The following AGAP1 variants were observed in gnomAD, a reference collection of about 807,000 sequenced individuals.
AGAP1 encodes arf-GAP with GTPase, ANK repeat and PH domain-containing protein 1.
In AGAP1, 29 loss-of-function variants were observed where a neutral mutation model predicts 105.3. The ratio of observed to expected loss-of-function variants is 0.28; its 90% CI spans 0.21 to 0.38. The LOEUF (loss-of-function observed/expected upper bound fraction) is 0.38. Ranked by LOEUF, AGAP1 falls within the 10% of genes least tolerant of loss-of-function variation. The pLI, the probability that AGAP1 is intolerant of heterozygous loss-of-function variation, is 1.00. For synonymous variants in AGAP1, 509 were observed against 485.9 expected, an observed-to-expected ratio of 1.05 and a Z score of -0.63; for missense variants, 998 against 1,165.1, an observed-to-expected ratio of 0.86 and a Z score of 2.09.
At position 235,736,589 on chromosome 2, in the gene AGAP1, C is replaced by G. The variant is rs1952268043; in HGVS notation, c.311-4374C>G. On this transcript the variant is annotated intron_variant, in intron 3 of 17. Transcript: ENST00000304032. This position sits in a 1 kb window ranked among gnomAD's most constrained non-coding sequence, Gnocchi z 5.5. ...AAATTTGATGGTATCCTCTAAAATTCTGGTGGAAAAAAGATCTCCCTTTGG... is the reference window on the plus strand; with the variant it reads ...AAATTTGATGGTATCCTCTAAAATTGTGGTGGAAAAAAGATCTCCCTTTGG... Among the ~76,000 whole-genome samples, 2 of 152,096 alleles carry G rather than the reference C, an allele frequency of 1.3e-5. No individual in the cohort carries two copies. Among genetic ancestry groups the G allele is most frequent in the African/African-American group, 2.4e-5 (1 of 41,418 alleles).
At chr2:235,688,728 G>T (rs779718395) in intron 1 of AGAP1, among the ~76,000 whole-genome samples, 1 of 152,212 alleles carries the variant, frequency 6.6e-6, no homozygotes, top group Non-Finnish European at 1.5e-5. Flanking sequence ...AAGTCATTGT[G>T]TATTCATTTT....
At chr2:235,643,501 A>G (rs1236949306) in intron 1 of AGAP1, among the ~76,000 whole-genome samples, 1 of 150,668 alleles carries the variant, frequency 6.6e-6, no homozygotes, top group Admixed American at 6.6e-5. Context: ...TCCACACATT[A>G]TCTTTTAATG....
chr2:235,709,539 A>T (rs1018002872), intron 2 of AGAP1, among the ~76,000 whole-genome samples: 20 of 125,218 alleles, frequency 1.6e-4, no homozygotes, highest in African/African-American at 5.4e-4. Context: ...GTGTCCACAC[A>T]CACACACCCC....
intron 15 of AGAP1, among the ~76,000 whole-genome samples, chr2:236,048,012 C>A (rs899492943): frequency 6.6e-6 from 1 of 152,184 alleles, no homozygotes; most frequent in African/African-American, 2.4e-5. Context: ...AAGGCTATTG[C>A]TGGTTACTTG....
chr2:235,930,973 G>A lies in AGAP1; in HGVS notation c.1483+50G>A, dbSNP rs776897681. 12 of 1,590,470 alleles carry A rather than the reference G, an allele frequency of 7.5e-6. No homozygotes were observed. Among genetic ancestry groups the A allele is most frequent in the Admixed American group, 5.2e-5 (3 of 57,936 alleles). ...ACCCGCAGCCACCTCAAGGTCCTTC[G>A]TTGTAAGCCAGGGGCTGGACAGGAC... On this transcript the variant is annotated intron_variant, in intron 12 of 17. Transcript: ENST00000304032. The surrounding 1 kb of genome is among the most constrained non-coding windows in gnomAD (Gnocchi z 7.9).
At chr2:236,106,290 CCT>C (rs2059488633) in intron 16 of AGAP1, among the ~76,000 whole-genome samples, 1 of 152,252 alleles carries the variant, frequency 6.6e-6, no homozygotes, top group Non-Finnish European at 1.5e-5. Flanking sequence ...AGTGACCAAG[CCT>C]CTCTTGGCCT....
chr2:236,077,450 C>T (rs545284094), intron 16 of AGAP1, among the ~76,000 whole-genome samples: 6 of 151,824 alleles, frequency 4.0e-5, no homozygotes, highest in Admixed American at 1.3e-4. Context: ...TCCCGAGTAG[C>T]TGGGATTACA....
rs1227730272 is a variant in AGAP1, at chr2:235,983,538, C to CT, written c.1645+14923dup. 2.6e-5 allele frequency among the ~76,000 whole-genome samples: 4 copies of CT among 151,928 alleles called. No individual in the cohort carries two copies. The highest frequency in any genetic ancestry group is 7.3e-5 in the African/African-American group (3 of 41,338). On this transcript the variant is annotated intron_variant, in intron 13 of 17. Transcript: ENST00000304032. This position sits in a 1 kb window ranked among gnomAD's most constrained non-coding sequence, Gnocchi z 4.5. Reference sequence around the variant, plus strand: ...TTTCTTATTCTCTTTTTTCTTTGAACTTTTTTTTATTGTGGCAAAATACAG... The same window carrying CT: ...TTTCTTATTCTCTTTTTTCTTTGAACTTTTTTTTTATTGTGGCAAAATACAG...
chr2:235,655,931 G>T lies in AGAP1; in HGVS notation c.164-53248G>T, dbSNP rs556744823. Among the ~76,000 whole-genome samples the T allele has an allele frequency of 7.9e-5, 12 of 152,182 alleles. No homozygotes were observed. The highest frequency in any genetic ancestry group is 1.6e-4 in the Non-Finnish European group (11 of 68,026). On this transcript the variant is annotated intron_variant, in intron 1 of 17. Coordinates refer to ENST00000304032, the MANE Select transcript of AGAP1 (RefSeq NM_001037131.3). The surrounding 1 kb of genome is among the most constrained non-coding windows in gnomAD (Gnocchi z 4.3). ...AAGGGAGGGGGCAGTGCAGGATGTG[G>T]CAAGGCAGTTGTTGGAGCTCCGATA...
At chr2:236,024,932 C>CA (rs1177780442) in intron 13 of AGAP1, among the ~76,000 whole-genome samples, 5 of 152,180 alleles carry the variant, frequency 3.3e-5, no homozygotes, top group African/African-American at 1.2e-4. Flanking sequence ...CCTGTGAGCC[C>CA]AATCACAAAA....
In AGAP1 at chr2:235,992,559, C is replaced by G. The variant is rs2055615207; in HGVS notation, c.1645+23936C>G. Among the ~76,000 whole-genome samples, 1 of 152,194 alleles carries G rather than the reference C, an allele frequency of 6.6e-6. No homozygotes were observed. Reference sequence around the variant, plus strand: ...GTATTTTCAGATTTTATTGACTCACCTAAGAAAGGCTCGGGGACACTGTTG... The same window carrying G: ...GTATTTTCAGATTTTATTGACTCACGTAAGAAAGGCTCGGGGACACTGTTG... On this transcript the variant is annotated intron_variant, in intron 13 of 17. Transcript: ENST00000304032. This position sits in a 1 kb window ranked among gnomAD's most constrained non-coding sequence, Gnocchi z 4.8.
intron 1 of AGAP1, among the ~76,000 whole-genome samples, chr2:235,526,104 G>A (rs1464434785): frequency 1.3e-5 from 1 of 75,346 alleles, no homozygotes; most frequent in Admixed American, 1.3e-4. Context: ...GATTTATAAA[G>A]TAGAGGACTG....
chr2:235,602,452 G>A (rs1430091923), intron 1 of AGAP1, among the ~76,000 whole-genome samples: 2 of 152,124 alleles, frequency 1.3e-5, no homozygotes, highest in Non-Finnish European at 2.9e-5. Context: ...TTGCCCGCCA[G>A]GCTCACCCTC....
At chr2:235,730,476 T>TAA (rs1399728207) in intron 3 of AGAP1, among the ~76,000 whole-genome samples, 815 of 81,312 alleles carry the variant, frequency 0.01, 11 homozygotes, top group African/African-American at 0.034. Context: ...TGTTTACCTT[T>TAA]TAAAAAAAAA....
rs1162130552 is a variant in AGAP1 at position 235,662,972 on chromosome 2, G to A, written c.164-46207G>A. ...GGGCAGGTAGCTGCCGCTCCCAGCA[G>A]CCCCTGATGTGTTTTCCTTCAAGCC... is the stretch of plus-strand genomic sequence containing the variant. On this transcript the variant is annotated intron_variant, in intron 1 of 17. Transcript: ENST00000304032. This position sits in a 1 kb window ranked among gnomAD's most constrained non-coding sequence, Gnocchi z 4.2. 6.6e-6 allele frequency among the ~76,000 whole-genome samples: 1 copy of A among 152,200 alleles called. No individual in the cohort carries two copies. Among genetic ancestry groups the A allele is most frequent in the Non-Finnish European group, 1.5e-5 (1 of 68,036 alleles).
At position 235,927,140 on chromosome 2, in the gene AGAP1, G is replaced by C. The variant is rs373997530; in HGVS notation, c.1325-3625G>C. Among the ~76,000 whole-genome samples, 45 of 152,134 alleles carry C rather than the reference G, an allele frequency of 3.0e-4. No individual in the cohort carries two copies. Among genetic ancestry groups the C allele is most frequent in the Admixed American group, 2.9e-3 (45 of 15,274 alleles). On this transcript the variant is annotated intron_variant, in intron 11 of 17. Coordinates refer to ENST00000304032, the MANE Select transcript of AGAP1 (RefSeq NM_001037131.3). The surrounding 1 kb of genome is among the most constrained non-coding windows in gnomAD (Gnocchi z 4.4). ...AGTCATGCTGTTTCAGTGTAGTCCCGCAGTGGGAAGTGGGTGTGGCTGGGG... is the reference window on the plus strand; with the variant it reads ...AGTCATGCTGTTTCAGTGTAGTCCCCCAGTGGGAAGTGGGTGTGGCTGGGG...
chr2:236,076,027 G>A lies in AGAP1; in HGVS notation c.2114+26746G>A, dbSNP rs1428525580. Among the ~76,000 whole-genome samples the A allele has an allele frequency of 6.6e-6, 1 of 152,178 alleles. No homozygotes were observed. Among genetic ancestry groups the A allele is most frequent in the East Asian group, 1.9e-4 (1 of 5,186 alleles). On this transcript the variant is annotated intron_variant, in intron 16 of 17. Coordinates refer to ENST00000304032, the MANE Select transcript of AGAP1 (RefSeq NM_001037131.3). The surrounding 1 kb of genome is among the most constrained non-coding windows in gnomAD (Gnocchi z 4.4). ...CCCCTCACATGGACCAGGGGTCTGG[G>A]GGCAGCTCTGCTCCTCACCAAGGCC...
intron 1 of AGAP1, among the ~76,000 whole-genome samples, chr2:235,532,721 ATGT>A (rs961416202): frequency 1.3e-5 from 2 of 152,218 alleles, no homozygotes; most frequent in Non-Finnish European, 2.9e-5. Context: ...GCAAAAGTTA[ATGT>A]TGTAAGAGAA....
chr2:235,533,175 C>CTT (rs1943100342), intron 1 of AGAP1, among the ~76,000 whole-genome samples: 1 of 152,126 alleles, frequency 6.6e-6, no homozygotes, highest in Non-Finnish European at 1.5e-5. Flanking sequence ...TTTAAGAAAA[C>CTT]ATCTTTTAAA....
Sources: gnomAD v4.1 joint callset for allele counts (sites outside exome capture counted in the v4.1 genomes callset) on GRCh38, gnomAD v4.1.1 for gene constraint, Gnocchi (gnomAD v3.1) non-coding constraint, MANE v1.5 for transcripts, NCBI Gene and HGNC (gene_info 2026-07-23, HGNC 2026-07-21) for gene names.